Variants in FGD4 observed in about 807,000 individuals in gnomAD.
The protein encoded by FGD4 is FYVE, RhoGEF and PH domain containing 4.
FGD4 carries 42 observed loss-of-function variants against 102.0 expected under a neutral mutation model. That is an observed-to-expected ratio of 0.41 (90% CI 0.32 to 0.53). The LOEUF (loss-of-function observed/expected upper bound fraction) is 0.53. Ranked by LOEUF, FGD4 falls within the 20% of genes least tolerant of loss-of-function variation. The probability of loss-of-function intolerance (pLI) is 0.21; values close to 1 mark genes in which losing one functional copy is unlikely to be tolerated. For synonymous variants in FGD4, 380 were observed against 375.7 expected (o/e 1.01, Z -0.13); for missense variants, 902 against 1,078.2 (o/e 0.84, Z 2.29).
At chr12:32,534,094 T>C (rs1942033551) in intron 1 of FGD4, among the ~76,000 whole-genome samples, 1 of 152,240 alleles carries the variant, frequency 6.6e-6, no homozygotes, top group Non-Finnish European at 1.5e-5. Flanking sequence ...TACTAATAGT[T>C]AAGGCATTAG....
chr12:32,625,736 A>G lies in FGD4; in HGVS notation c.2129A>G (p.Asn710Ser). Residue 710 changes from asparagine to serine, a missense_variant, in exon 14 of 17, where the codon AAT becomes AGT. By Grantham distance (46) the Asn-to-Ser change is conservative (BLOSUM62 1). Transcript: ENST00000534526. ...TGTATGAAATGTAAAGAACCTTTCA[A>G]TGCACTGACACGAAGGAGGCATCAT... ...TMCMKCKEPFNALTRRRHHCR... is the reference protein window; with the variant it reads ...TMCMKCKEPFSALTRRRHHCR... 6.2e-7 allele frequency: 1 copy of G among 1,614,130 alleles called. No homozygotes were observed. The highest frequency in any genetic ancestry group is 8.5e-7 in the Non-Finnish European group (1 of 1,180,000).
chr12:32,623,580 A>G (rs752662868), intron 11 of FGD4, among the ~76,000 whole-genome samples: 2 of 152,058 alleles, frequency 1.3e-5, no homozygotes, highest in Non-Finnish European at 2.9e-5. Flanking sequence ...TCAGGCTGGA[A>G]CTCAACTTAG....
intron 1 of FGD4, among the ~76,000 whole-genome samples, chr12:32,497,935 C>T (rs1196271124): frequency 6.6e-6 from 1 of 152,208 alleles, no homozygotes; most frequent in African/African-American, 2.4e-5. Flanking sequence ...CTCAGTGAGA[C>T]TCTCCTCTAA....
At chr12:32,515,801 A>G (rs1383382871) in intron 1 of FGD4, among the ~76,000 whole-genome samples, 2 of 152,212 alleles carry the variant, frequency 1.3e-5, no homozygotes, top group African/African-American at 4.8e-5. Flanking sequence ...TTGCAGATAT[A>G]TGTAGGTACT....
chr12:32,436,577 T>C (rs1364877707), intron 1 of FGD4, among the ~76,000 whole-genome samples: 1 of 152,236 alleles, frequency 6.6e-6, no homozygotes, highest in African/African-American at 2.4e-5. Flanking sequence ...GTGTTACGCC[T>C]GGTTGTGCTT....
chr12:32,477,406 T>G (rs1351120305), intron 1 of FGD4: 1 of 152,442 alleles, frequency 6.6e-6, no homozygotes, highest in East Asian at 1.9e-4. Flanking sequence ...CTTCACGAAT[T>G]TGCATGTCAT....
rs117833614 is a variant in FGD4, at chr12:32,507,907, G to C, written c.167-56230G>C. 9.3e-3 allele frequency among the ~76,000 whole-genome samples: 1,412 copies of C among 152,314 alleles called. 14 individuals carry two copies. Among genetic ancestry groups the C allele is most frequent in the Non-Finnish European group, 0.014 (941 of 68,022 alleles). ...ATAATCCCTGAATGTTGAAATATTT[G>C]CTACTCTTAGTAGTGAAAGCTTGGT... On this transcript the variant is annotated intron_variant, in intron 1 of 16. Transcript: ENST00000534526.
At chr12:32,453,955 C>G (rs1244179992) in intron 1 of FGD4, among the ~76,000 whole-genome samples, 2 of 151,966 alleles carry the variant, frequency 1.3e-5, no homozygotes, top group Non-Finnish European at 2.9e-5. Context: ...AAGAATAATT[C>G]CACGGTTTTC....
At chr12:32,588,543 G>A (rs1459344744) in intron 4 of FGD4, among the ~76,000 whole-genome samples, 4 of 152,150 alleles carry the variant, frequency 2.6e-5, no homozygotes, top group East Asian at 3.9e-4. Flanking sequence ...TTGAAGTGTC[G>A]ATTTGGGCAG....
At chr12:32,611,331 T>C (rs749988118) in intron 10 of FGD4, 48 bp downstream of exon 10, 5 of 1,608,836 alleles carry the variant, frequency 3.1e-6, no homozygotes, top group Non-Finnish European at 4.3e-6. Context: ...TATATAAAAA[T>C]ATGGCTGGGC....
At position 32,516,877 on chromosome 12, in the gene FGD4, T is replaced by A. The variant is rs146109442; in HGVS notation, c.167-47260T>A. 9.1e-3 allele frequency among the ~76,000 whole-genome samples: 1,392 copies of A among 152,332 alleles called. 27 individuals carry two copies. The highest frequency in any genetic ancestry group is 0.032 in the African/African-American group (1,329 of 41,580). ...AAGAATGGGAAACTTGGCACTTTGA[T>A]TTAAGATGGTAATTTTATCTAATGA... On this transcript the variant is annotated intron_variant, in intron 1 of 16. Transcript: ENST00000534526.
At chr12:32,403,552 C>T (rs546654314) in intron 1 of FGD4, among the ~76,000 whole-genome samples, 2 of 151,404 alleles carry the variant, frequency 1.3e-5, no homozygotes, top group South Asian at 2.1e-4. Context: ...GTGTTTGCAC[C>T]TGTGAATAGC....
chr12:32,513,118 A>C lies in FGD4; in HGVS notation c.167-51019A>C, dbSNP rs534885354. ...AGGTCATAATACTGTACAAAGGTAC[A>C]TGCAAAGTGCTGTGATTGCGCAGAG... On this transcript the variant is annotated intron_variant, in intron 1 of 16. Transcript: ENST00000534526. Among the ~76,000 whole-genome samples, 24 of 152,336 alleles carry C rather than the reference A, an allele frequency of 1.6e-4. 1 individual carries two copies. The South Asian group carries it at 4.6e-3, about 29-fold the overall frequency.
At chr12:32,566,436 C>T (rs1298342145) in intron 2 of FGD4, among the ~76,000 whole-genome samples, 6 of 152,146 alleles carry the variant, frequency 3.9e-5, no homozygotes, top group African/African-American at 1.4e-4. Flanking sequence ...TACAACCTGA[C>T]CTGCTGTATG....
intron 1 of FGD4, chr12:32,485,919 C>T: frequency 7.9e-7 from 1 of 1,269,852 alleles, no homozygotes; most frequent in Non-Finnish European, 9.9e-7. Context: ...GTTCCTTGAG[C>T]CTGCATCACT....
chr12:32,461,812 T>C (rs1397211570), intron 1 of FGD4, among the ~76,000 whole-genome samples: 1 of 152,164 alleles, frequency 6.6e-6, no homozygotes, highest in Non-Finnish European at 1.5e-5. Flanking sequence ...CTGCTACCTC[T>C]GCCTCCTGGG....
chr12:32,428,200 C>A (rs570629605), intron 1 of FGD4, among the ~76,000 whole-genome samples: 1 of 152,230 alleles, frequency 6.6e-6, no homozygotes, highest in African/African-American at 2.4e-5. Context: ...GTGGCTGGTA[C>A]CAGTTGTTGC....
intron 1 of FGD4, among the ~76,000 whole-genome samples, chr12:32,457,897 A>G (rs556829415): frequency 2.3e-4 from 35 of 152,262 alleles, no homozygotes; most frequent in African/African-American, 8.2e-4. Context: ...TTGGGTGTGG[A>G]GTTCTGCTAC....
chr12:32,450,098 A>G (rs777976153), intron 1 of FGD4, among the ~76,000 whole-genome samples: 3 of 151,526 alleles, frequency 2.0e-5, no homozygotes, highest in Non-Finnish European at 2.9e-5. Flanking sequence ...ATGCCTGGCT[A>G]ATTTTTGTAT....
Sources: gnomAD v4.1 joint callset for allele counts (sites outside exome capture counted in the v4.1 genomes callset) on GRCh38, gnomAD v4.1.1 for gene constraint, MANE v1.5 for transcripts, NCBI Gene and HGNC (gene_info 2026-07-23, HGNC 2026-07-21) for gene names.